The following NRXN1 variants were observed in gnomAD, a reference collection of about 807,000 sequenced individuals.
The protein encoded by NRXN1 is neurexin-1.
A neutral mutation model predicts 150.9 loss-of-function variants in NRXN1; 39 were observed. The observed-to-expected ratio is 0.26, with a 90% CI of 0.20 to 0.34. The LOEUF is 0.34. Among genes scored for constraint, NRXN1 ranks in the 10% least tolerant of loss-of-function variants. NRXN1 has a pLI of 1.00. For synonymous variants in NRXN1, 924 were observed against 757.0 expected (o/e 1.22, Z -3.62); for missense variants, 1,815 against 1,949.9 (o/e 0.93, Z 1.30).
chr2:50,728,438 C>A (rs1218325229), intron 5 of NRXN1, among the ~76,000 whole-genome samples: 4 of 152,134 alleles, frequency 2.6e-5, no homozygotes, highest in African/African-American at 9.7e-5. Context: ...CCTACAGATG[C>A]AGAAAACCAT....
At chr2:50,701,535 T>C (rs1693741378) in intron 5 of NRXN1, among the ~76,000 whole-genome samples, 1 of 152,208 alleles carries the variant, frequency 6.6e-6, no homozygotes, top group Non-Finnish European at 1.5e-5. Context: ...AATGGTATTC[T>C]ATTTCTATCA....
chr2:50,368,811 G>C (rs369356336), intron 17 of NRXN1, among the ~76,000 whole-genome samples: 2 of 152,010 alleles, frequency 1.3e-5, no homozygotes, highest in Middle Eastern at 3.2e-3. Context: ...CAACATACAT[G>C]AAGTGGAGTT....
chr2:50,352,776 TATTATAATAATA>T (rs955186870), intron 17 of NRXN1, among the ~76,000 whole-genome samples: 1 of 84,028 alleles, frequency 1.2e-5, no homozygotes, highest in Non-Finnish European at 2.4e-5. Context: ...ATAATAATAA[TATTATAATAATA>T]ATAATAATAA....
rs545585002 is a variant in NRXN1, at chr2:50,811,723, C to A, written c.832+110146G>T. On this transcript the variant is annotated intron_variant, in intron 5 of 22. Coordinates refer to ENST00000401669, the MANE Select transcript of NRXN1 (RefSeq NM_001330078.2). The stretch of plus-strand genomic sequence containing the variant: ...AAAGCAACTGTAGTGCCTTGAATGT[C>A]TTTGTATAAACTTTTATATGACTCT... Among the ~76,000 whole-genome samples the A allele has an allele frequency of 2.6e-5, 4 of 152,182 alleles. 1 individual carries two copies. The highest frequency in any genetic ancestry group is 9.6e-5 in the African/African-American group (4 of 41,528).
intron 5 of NRXN1, among the ~76,000 whole-genome samples, chr2:50,812,184 T>A (rs1668308229): frequency 6.6e-6 from 1 of 152,314 alleles, no homozygotes; most frequent in Non-Finnish European, 1.5e-5. Flanking sequence ...AATGAATCCA[T>A]CTGAAAACAG....
At chr2:50,527,860 G>T (rs2105181515) in intron 12 of NRXN1, among the ~76,000 whole-genome samples, 1 of 152,238 alleles carries the variant, frequency 6.6e-6, no homozygotes, top group East Asian at 1.9e-4. Flanking sequence ...ACTTTGTGTT[G>T]TGATCATTGG....
chr2:50,055,858 G>A lies in NRXN1; in HGVS notation c.3719-814C>T, dbSNP rs190365829. 1.7e-3 allele frequency among the ~76,000 whole-genome samples: 264 copies of A among 152,086 alleles called. 5 individuals are homozygous for A. The highest frequency in any genetic ancestry group is 0.017 in the Admixed American group (263 of 15,276). Reference sequence around the variant, plus strand: ...TTAAAAGCATGACAGCTTAAGGAACGAATATAAGCCACAAACAGTGGCCCC... The same window carrying A: ...TTAAAAGCATGACAGCTTAAGGAACAAATATAAGCCACAAACAGTGGCCCC... On this transcript the variant is annotated intron_variant, in intron 19 of 22. Coordinates refer to ENST00000401669, the MANE Select transcript of NRXN1 (RefSeq NM_001330078.2).
intron 17 of NRXN1, among the ~76,000 whole-genome samples, chr2:50,431,278 C>A (rs771188670): frequency 6.6e-6 from 1 of 152,154 alleles, no homozygotes; most frequent in Middle Eastern, 3.2e-3. Flanking sequence ...CTTACCTATT[C>A]GTTTCCCTTG....
intron 21 of NRXN1, among the ~76,000 whole-genome samples, chr2:50,007,715 T>C (rs866446074): frequency 1.3e-5 from 2 of 152,028 alleles, no homozygotes; most frequent in Middle Eastern, 3.4e-3. Flanking sequence ...TCTTTTATAG[T>C]AGAATGATTT....
At chr2:50,605,938 T>C (rs1677037172) in intron 8 of NRXN1, among the ~76,000 whole-genome samples, 2 of 151,998 alleles carry the variant, frequency 1.3e-5, no homozygotes, top group Non-Finnish European at 1.5e-5. Flanking sequence ...ATGTGGTATA[T>C]ACATACAAGG....
intron 21 of NRXN1, among the ~76,000 whole-genome samples, chr2:50,045,489 C>A (rs766500435): frequency 6.6e-6 from 1 of 152,078 alleles, no homozygotes; most frequent in African/African-American, 2.4e-5. Flanking sequence ...GGACTACAGG[C>A]GCGTGCCACC....
chr2:50,573,589 A>G (rs545861219), intron 8 of NRXN1, among the ~76,000 whole-genome samples: 12 of 152,104 alleles, frequency 7.9e-5, no homozygotes, highest in Non-Finnish European at 1.3e-4. Flanking sequence ...ATTTTTATCC[A>G]TATTACAACC....
At chr2:50,542,731 A>G (rs928671930) in intron 9 of NRXN1, among the ~76,000 whole-genome samples, 2 of 152,184 alleles carry the variant, frequency 1.3e-5, no homozygotes, top group African/African-American at 4.8e-5. Context: ...AGAAGTTTAT[A>G]TTTTAGCCTA....
intron 14 of NRXN1, 95 bp from the exon 15 acceptor site, chr2:50,496,190 G>T (rs1377980810): frequency 1.1e-6 from 1 of 903,588 alleles, no homozygotes; most frequent in Non-Finnish European, 1.7e-6. Flanking sequence ...TTTTCAGGTG[G>T]TTCCATCCTT....
At chr2:50,780,579 T>C (rs1704231552) in intron 5 of NRXN1, among the ~76,000 whole-genome samples, 1 of 152,198 alleles carries the variant, frequency 6.6e-6, no homozygotes, top group South Asian at 2.1e-4. Flanking sequence ...TACTGGGCTC[T>C]TCTAAACTGT....
rs760569265 is a variant in NRXN1 at position 50,523,099 on chromosome 2, T to C, written c.2374+5526A>G. ...CAATACACTGCCTGTTTTTATTTGT[T>C]TTCTGTCAGAAATCTATGTTCATTC... On this transcript the variant is annotated intron_variant, in intron 12 of 22. Coordinates refer to ENST00000401669, the MANE Select transcript of NRXN1 (RefSeq NM_001330078.2). 3.1e-4 allele frequency among the ~76,000 whole-genome samples: 47 copies of C among 152,110 alleles called. No individual in the cohort carries two copies. The Middle Eastern group carries it at 0.01, about 33-fold the overall frequency.
chr2:50,760,938 C>T (rs1280632645), intron 5 of NRXN1, among the ~76,000 whole-genome samples: 1 of 151,904 alleles, frequency 6.6e-6, no homozygotes, highest in Non-Finnish European at 1.5e-5. Flanking sequence ...TCAATACCTC[C>T]CAAATGATTT....
chr2:50,673,313 A>G (rs1005834448), intron 5 of NRXN1, among the ~76,000 whole-genome samples: 4 of 152,156 alleles, frequency 2.6e-5, no homozygotes, highest in Admixed American at 1.3e-4. Context: ...TATTTTTTCT[A>G]CCAATACTAG....
At chr2:50,112,839 AAATAT>A (rs1408208484) in intron 18 of NRXN1, among the ~76,000 whole-genome samples, 4 of 152,104 alleles carry the variant, frequency 2.6e-5, no homozygotes, top group Non-Finnish European at 5.9e-5. Flanking sequence ...AGTACTCAAT[AAATAT>A]AATCTATTAA....
Sources: gnomAD v4.1 joint callset for allele counts (sites outside exome capture counted in the v4.1 genomes callset) on GRCh38, gnomAD v4.1.1 for gene constraint, MANE v1.5 for transcripts, NCBI Gene and HGNC (gene_info 2026-07-23, HGNC 2026-07-21) for gene names.